The following TRPM3 variants were observed in gnomAD, a reference collection of about 807,000 sequenced individuals.
TRPM3 encodes transient receptor potential cation channel subfamily M member 3.
TRPM3 carries 77 observed loss-of-function variants against 181.2 expected under a neutral mutation model. The observed-to-expected ratio is 0.42, with a 90% CI of 0.35 to 0.51. The LOEUF (loss-of-function observed/expected upper bound fraction) is 0.51, where lower values mean the gene tolerates loss of function less well. TRPM3 is among the 20% of genes least tolerant of loss of function. TRPM3 has a pLI of 0.01. For synonymous variants in TRPM3, 745 were observed against 796.4 expected (o/e 0.94, Z 1.09); for missense variants, 1,759 against 2,196.7 (o/e 0.80, Z 3.98).
At chr9:70,814,938 A>G (rs2092552990) in intron 6 of TRPM3, among the ~76,000 whole-genome samples, 2 of 145,166 alleles carry the variant, frequency 1.4e-5, no homozygotes, top group Admixed American at 1.4e-4. Flanking sequence ...TTTTCGTTAT[A>G]AAAGCAATAT....
intron 1 of TRPM3, among the ~76,000 whole-genome samples, chr9:71,286,921 G>A (rs113650304): frequency 1.4e-5 from 2 of 141,954 alleles, no homozygotes; most frequent in East Asian, 2.0e-4. Context: ...CTTTGACCAC[G>A]ATATACTTTT....
intron 19 of TRPM3, among the ~76,000 whole-genome samples, chr9:70,605,162 G>T (rs2060809466): frequency 6.6e-6 from 1 of 151,856 alleles, no homozygotes; most frequent in Non-Finnish European, 1.5e-5. Flanking sequence ...CATCATGTTG[G>T]CCAGGCTGGT....
At chr9:70,651,168 C>G (rs886612336) in intron 9 of TRPM3, among the ~76,000 whole-genome samples, 13 of 152,232 alleles carry the variant, frequency 8.5e-5, no homozygotes, top group Admixed American at 7.8e-4. Context: ...TAATACTGAT[C>G]AAGCAGACAC....
chr9:71,034,537 G>A (rs185621440), intron 1 of TRPM3, among the ~76,000 whole-genome samples: 1 of 152,008 alleles, frequency 6.6e-6, no homozygotes, highest in East Asian at 1.9e-4. Context: ...TAATATCTAG[G>A]GTGTAAGGGT....
chr9:70,923,802 C>T (rs1234960705), intron 1 of TRPM3, among the ~76,000 whole-genome samples: 5 of 132,964 alleles, frequency 3.8e-5, no homozygotes, highest in African/African-American at 1.5e-4. Flanking sequence ...CACACACACA[C>T]ACTCTCTCTC....
At chr9:71,202,327 T>C (rs1190118470) in intron 1 of TRPM3, among the ~76,000 whole-genome samples, 1 of 152,136 alleles carries the variant, frequency 6.6e-6, no homozygotes, top group African/African-American at 2.4e-5. Flanking sequence ...CAGATCTCCA[T>C]GTGCGTGCTG....
intron 1 of TRPM3, among the ~76,000 whole-genome samples, chr9:71,355,160 T>G (rs904028824): frequency 6.6e-6 from 1 of 152,230 alleles, no homozygotes; most frequent in Non-Finnish European, 1.5e-5. Context: ...AATTAATGGT[T>G]CCTGTTATAC....
At chr9:70,696,502 T>C (rs1406952625) in intron 8 of TRPM3, among the ~76,000 whole-genome samples, 3 of 152,184 alleles carry the variant, frequency 2.0e-5, no homozygotes, top group Non-Finnish European at 2.9e-5. Context: ...GCAAAAGAGA[T>C]ACTATCATTT....
At chr9:71,121,001 TG>T (rs1587473176) in intron 1 of TRPM3, among the ~76,000 whole-genome samples, 176 bp downstream of exon 1, 1 of 53,028 alleles carries the variant, frequency 1.9e-5, no homozygotes, top group Non-Finnish European at 3.8e-5. Flanking sequence ...GGGGTGTGGG[TG>T]GGGGGCGTGG....
chr9:70,701,566 T>C (rs2072591991), intron 8 of TRPM3, among the ~76,000 whole-genome samples: 1 of 151,360 alleles, frequency 6.6e-6, no homozygotes, highest in Admixed American at 6.6e-5. Flanking sequence ...TTAATTTTCT[T>C]ATTTTCTGAT....
intron 1 of TRPM3, among the ~76,000 whole-genome samples, chr9:71,110,243 A>G (rs952410386): frequency 6.6e-6 from 1 of 152,198 alleles, no homozygotes; most frequent in Non-Finnish European, 1.5e-5. Flanking sequence ...CTTAAGGATC[A>G]TCTCATAGTT....
chr9:70,542,299 G>C (rs1167242319), intron 25 of TRPM3, among the ~76,000 whole-genome samples: 1 of 152,174 alleles, frequency 6.6e-6, no homozygotes, highest in Non-Finnish European at 1.5e-5. Flanking sequence ...AATTTAAGGA[G>C]ACAGACTCCT....
intron 1 of TRPM3, among the ~76,000 whole-genome samples, chr9:71,110,788 A>G (rs1156559884): frequency 1.3e-5 from 2 of 152,228 alleles, no homozygotes; most frequent in African/African-American, 4.8e-5. Flanking sequence ...GAAATTAATG[A>G]CTAAAATTAG....
At chr9:71,436,519 G>A (rs1300969176) in intron 1 of TRPM3, among the ~76,000 whole-genome samples, 1 of 151,858 alleles carries the variant, frequency 6.6e-6, no homozygotes, top group Middle Eastern at 3.2e-3. Flanking sequence ...TGGCCAGGAT[G>A]GTCTCAATCT....
intron 1 of TRPM3, among the ~76,000 whole-genome samples, chr9:70,892,081 AAAAAAGGG>A (rs1000202099): frequency 1.3e-5 from 2 of 152,206 alleles, no homozygotes; most frequent in Non-Finnish European, 2.9e-5. Flanking sequence ...TTTACGAGGA[AAAAAAGGG>A]AAAAAGGAAA....
intron 1 of TRPM3, among the ~76,000 whole-genome samples, chr9:71,117,528 G>A (rs1009559962): frequency 4.6e-5 from 7 of 151,800 alleles, no homozygotes; most frequent in Admixed American, 2.0e-4. Context: ...AGCAGGCTTC[G>A]GACACTAGAT....
At chr9:71,178,168 T>C (rs148271299) in intron 1 of TRPM3, among the ~76,000 whole-genome samples, 25 of 152,188 alleles carry the variant, frequency 1.6e-4, no homozygotes, top group African/African-American at 4.1e-4. Context: ...GGTATCACTG[T>C]TTTTTTATCA....
At position 70,533,615 on chromosome 9, in the gene TRPM3, A is replaced by T. The variant is rs1031910161; in HGVS notation, c.*2338T>A. Reference sequence around the variant, plus strand: ...ATTTTTTTTTTCTTTCTGGAGAGAGAGCCTAGAGTTATCGTAGAGCCTCGT... The same window carrying T: ...ATTTTTTTTTTCTTTCTGGAGAGAGTGCCTAGAGTTATCGTAGAGCCTCGT... On this transcript the variant is annotated 3_prime_UTR_variant, in exon 26 of 26. Coordinates refer to ENST00000677713, the MANE Select transcript of TRPM3 (RefSeq NM_001366145.2). The T allele has an allele frequency of 1.3e-5, 2 of 151,928 alleles. No homozygotes were observed. The highest frequency in any genetic ancestry group is 2.4e-5 in the African/African-American group (1 of 41,346). 9.4% of individuals were successfully genotyped at this position (151,928 alleles called of 1,614,324 possible).
At chr9:71,244,114 A>G (rs1312551720) in intron 1 of TRPM3, among the ~76,000 whole-genome samples, 1 of 152,148 alleles carries the variant, frequency 6.6e-6, no homozygotes, top group African/African-American at 2.4e-5. Flanking sequence ...TGAAGATACT[A>G]GAAGTGGGAA....
Sources: allele counts gnomAD v4.1 joint callset (sites outside exome capture counted in the v4.1 genomes callset), GRCh38; gene constraint gnomAD v4.1.1; transcripts MANE v1.5; gene names NCBI Gene and HGNC (gene_info 2026-07-23, HGNC 2026-07-21).